Variants in ALPK2 observed in about 807,000 individuals in gnomAD.
ALPK2 encodes the protein alpha-protein kinase 2.
In ALPK2, 127 loss-of-function variants were observed where a neutral mutation model predicts 163.1. The ratio of observed to expected loss-of-function variants is 0.78; its 90% CI spans 0.67 to 0.90. ALPK2 has a LOEUF of 0.90. Among genes scored for constraint, ALPK2 ranks in the 40% least tolerant of loss-of-function variants. The pLI, the probability that ALPK2 is intolerant of heterozygous loss-of-function variation, is 0.00. For synonymous variants in ALPK2, 953 were observed against 959.1 expected (o/e 0.99, Z 0.12); for missense variants, 2,360 against 2,589.6 (o/e 0.91, Z 1.92).
In ALPK2 at chr18:58,578,736, A is replaced by ACACACACGCGCGCACGCGCGTG. The variant is rs773192836; in HGVS notation, c.1962+77_1962+78insCACGCGCGTGCGCGCGTGTGTG. The ACACACACGCGCGCACGCGCGTG allele has an allele frequency of 5.3e-6, 4 of 760,800 alleles. No individual in the cohort carries two copies. The South Asian group carries it at 5.8e-5, about 11-fold the overall frequency. 47.1% of individuals were successfully genotyped at this position (760,800 alleles called of 1,614,324 possible). ...GTGAATGTGAAGTAAAGGAAGAGAC[A>ACACACACGCGCGCACGCGCGTG]CACACACACACACACACACACACAC... On this transcript the variant is annotated intron_variant, in intron 4 of 12. Transcript: ENST00000361673.
At chr18:58,619,124 G>A in intron 1 of ALPK2, among the ~76,000 whole-genome samples, 1 of 152,192 alleles carries the variant, frequency 6.6e-6, no homozygotes, top group East Asian at 1.9e-4. Flanking sequence ...TCCAAAGATG[G>A]TTTCTGTAAA....
At chr18:58,532,231 C>A (rs1211872848) in intron 5 of ALPK2, among the ~76,000 whole-genome samples, 1 of 152,170 alleles carries the variant, frequency 6.6e-6, no homozygotes, top group Non-Finnish European at 1.5e-5. Context: ...TAACCTAGTG[C>A]TGGTTTGTAG....
chr18:58,546,492 G>A (rs999802250), intron 4 of ALPK2, among the ~76,000 whole-genome samples: 1 of 152,182 alleles, frequency 6.6e-6, no homozygotes, highest in African/African-American at 2.4e-5. Context: ...GGTGAGCTAA[G>A]TAGTAACGCT....
intron 8 of ALPK2, among the ~76,000 whole-genome samples, chr18:58,520,923 G>A (rs2051547233): frequency 6.6e-6 from 1 of 152,194 alleles, no homozygotes; most frequent in Admixed American, 6.5e-5. Flanking sequence ...GGCTTAGGTG[G>A]GAGGATCATT....
In ALPK2 at chr18:58,537,695, G is replaced by A. The variant is rs142343365; in HGVS notation, c.2492C>T (p.Ser831Leu). Residue 831 changes from serine (S) to leucine (L), a missense_variant, in exon 5 of 13, where the codon TCG becomes TTG. Ser to Leu is a moderately radical substitution (Grantham distance 145). Coordinates refer to ENST00000361673, the MANE Select transcript of ALPK2 (RefSeq NM_052947.4). ...ATCTACAGAGCAAATTTCTTGAGGCGAATATTTATCAACTGGTCTCCCAAC... is the reference window on the plus strand; with the variant it reads ...ATCTACAGAGCAAATTTCTTGAGGCAAATATTTATCAACTGGTCTCCCAAC... Reference protein sequence around the residue: ...SLVGRPVDKYSPQEICSVDTE... With the variant: ...SLVGRPVDKYLPQEICSVDTE... 3.9e-5 allele frequency: 63 copies of A among 1,613,910 alleles called. No individual in the cohort carries two copies. The highest frequency in any genetic ancestry group is 1.6e-4 in the Middle Eastern group (1 of 6,084).
At chr18:58,606,723 G>A (rs1273631562) in intron 3 of ALPK2, among the ~76,000 whole-genome samples, 1 of 152,126 alleles carries the variant, frequency 6.6e-6, no homozygotes, top group Non-Finnish European at 1.5e-5. Context: ...TAGCATTGAG[G>A]ATCAAAAGCA....
At chr18:58,534,061 A>T (rs1772394925) in intron 5 of ALPK2, among the ~76,000 whole-genome samples, 1 of 152,186 alleles carries the variant, frequency 6.6e-6, no homozygotes, top group African/African-American at 2.4e-5. Flanking sequence ...AAGAGCTCTG[A>T]AATAAAACAG....
At chr18:58,491,608 C>T (rs1297495970) in intron 12 of ALPK2, among the ~76,000 whole-genome samples, 2 of 152,214 alleles carry the variant, frequency 1.3e-5, no homozygotes, top group Non-Finnish European at 1.5e-5. Flanking sequence ...ACGATTTCGT[C>T]TCCCACCTGA....
At chr18:58,614,531 C>A (rs921699940) in intron 1 of ALPK2, among the ~76,000 whole-genome samples, 4 of 152,160 alleles carry the variant, frequency 2.6e-5, no homozygotes, top group African/African-American at 7.2e-5. Flanking sequence ...TGCTAGATAG[C>A]AAATAAATAC....
chr18:58,579,665 G>C lies in ALPK2; in HGVS notation c.1111C>G (p.Leu371Val), dbSNP rs771356284. The part of the protein sequence containing the change: ...DEEMEFGEHC[L>V]GGCEHFLSGM... ...CTGAGGAAATGCTCACACCCACCCA[G>C]GCAATGCTCACCGAATTCCATCTCT... The change falls in exon 4 of 13, where the codon CTG becomes GTG. Residue 371 changes from leucine (L) to valine (V), a missense_variant. By Grantham distance (32) the Leu-to-Val change is conservative. Transcript: ENST00000361673. 6.2e-7 allele frequency: 1 copy of C among 1,613,834 alleles called. No homozygotes were observed. The highest frequency in any genetic ancestry group is 8.5e-7 in the Non-Finnish European group (1 of 1,179,950).
At chr18:58,492,160 CACAA>C (rs1478865513) in intron 12 of ALPK2, among the ~76,000 whole-genome samples, 3 of 150,276 alleles carry the variant, frequency 2.0e-5, no homozygotes, top group East Asian at 2.0e-4. Flanking sequence ...CACACACACA[CACAA>C]CACACAGAGG....
intron 4 of ALPK2, among the ~76,000 whole-genome samples, chr18:58,563,330 T>C (rs952253019): frequency 1.3e-5 from 2 of 152,254 alleles, no homozygotes; most frequent in Admixed American, 1.3e-4. Context: ...TATTATAATA[T>C]GCATCCTATT....
intron 6 of ALPK2, chr18:58,528,635 A>C (rs139288873): frequency 6.5e-4 from 109 of 166,646 alleles, no homozygotes; most frequent in African/African-American, 2.5e-3. Flanking sequence ...CTTTTCTGTA[A>C]CCTCATAGAT....
chr18:58,579,432 T>C lies in ALPK2; in HGVS notation c.1344A>G (p.Arg448=). ...CCTCGGGAGCAGTGGGGAGTTTATATCTCCCCTGTTCTGTCACTGAAGACG... is the reference window on the plus strand; with the variant it reads ...CCTCGGGAGCAGTGGGGAGTTTATACCTCCCCTGTTCTGTCACTGAAGACG... ...DGTSSVTEQG[R]YKLPTAPEAA... Residue 448 remains arginine, a synonymous_variant, in exon 4 of 13, where the codon AGA becomes AGG. Coordinates refer to ENST00000361673, the MANE Select transcript of ALPK2 (RefSeq NM_052947.4). 6.2e-7 allele frequency: 1 copy of C among 1,614,132 alleles called. No homozygotes were observed. Among genetic ancestry groups the C allele is most frequent in the Non-Finnish European group, 8.5e-7 (1 of 1,180,024 alleles).
intron 3 of ALPK2, among the ~76,000 whole-genome samples, chr18:58,584,576 T>A (rs886903245): frequency 1.3e-5 from 2 of 152,242 alleles, no homozygotes; most frequent in East Asian, 3.8e-4. Context: ...GTTTCTGTCC[T>A]AAGTCTTCAA....
chr18:58,619,548 G>A (rs942152441), intron 1 of ALPK2, among the ~76,000 whole-genome samples: 21 of 152,216 alleles, frequency 1.4e-4, no homozygotes, highest in Admixed American at 1.3e-3. Flanking sequence ...CAATCCTAAT[G>A]TAATATTACA....
At chr18:58,543,811 T>C (rs4940405) in intron 4 of ALPK2, among the ~76,000 whole-genome samples, 21,177 of 152,152 alleles carry the variant, frequency 0.14, 1,780 homozygotes, top group East Asian at 0.18. Flanking sequence ...GGTCCCACAG[T>C]CAAAGGCAGA....
chr18:58,593,340 T>C (rs1000783474), intron 3 of ALPK2, among the ~76,000 whole-genome samples: 4 of 151,456 alleles, frequency 2.6e-5, no homozygotes, highest in African/African-American at 9.7e-5. Context: ...CCAAGGCAGG[T>C]GGATCATGAG....
intron 8 of ALPK2, among the ~76,000 whole-genome samples, chr18:58,517,958 A>G (rs2051531304): frequency 6.6e-6 from 1 of 152,128 alleles, no homozygotes; most frequent in South Asian, 2.1e-4. Flanking sequence ...TGCAGAGTGG[A>G]TTCTACACAT....
Sources: gnomAD v4.1 joint callset for allele counts (sites outside exome capture counted in the v4.1 genomes callset) on GRCh38, gnomAD v4.1.1 for gene constraint, MANE v1.5 for transcripts, NCBI Gene and HGNC (gene_info 2026-07-23, HGNC 2026-07-21) for gene names.